SPECC1: variants seen among roughly 807,000 people sequenced by gnomAD.
SPECC1 encodes cytospin-B.
In SPECC1, 62 loss-of-function variants were observed where a neutral mutation model predicts 104.1. That is an observed-to-expected ratio of 0.60 (90% CI 0.49 to 0.74). SPECC1 has a LOEUF of 0.74. SPECC1 is among the 30% of genes least tolerant of loss of function. The pLI is 0.00. For missense variants in SPECC1, 1,306 were observed against 1,310.5 expected (o/e 1.00, Z 0.05); for synonymous variants, 513 against 501.6 (o/e 1.02, Z -0.30).
At chr17:20,144,182 T>C (rs866325128) in intron 3 of SPECC1, among the ~76,000 whole-genome samples, 33,759 of 124,620 alleles carry the variant, frequency 0.27, 5,684 homozygotes, top group Middle Eastern at 0.39. Flanking sequence ...TTTCTTTTTT[T>C]TTTTTTTTTT....
intron 3 of SPECC1, among the ~76,000 whole-genome samples, chr17:20,195,580 C>T (rs1298887799): frequency 1.4e-5 from 2 of 146,704 alleles, no homozygotes; most frequent in South Asian, 2.1e-4. Flanking sequence ...TTTTTTGAGA[C>T]GGAGTCTTGC....
rs1301702396 is a variant in SPECC1, at chr17:20,316,351, T to TG, written c.*2288dup. On this transcript the variant is annotated 3_prime_UTR_variant, in exon 15 of 15. Coordinates refer to ENST00000395527, the MANE Select transcript of SPECC1 (RefSeq NM_001243439.2). ...AGTGGGAGTGGGTGTTTTCTGTGAT[T>TG]GGTTCTGTTTTTTATTTTTACTTAT... 4.4e-6 allele frequency: 1 copy of TG among 226,554 alleles called. No homozygotes were observed. 14.0% of individuals were successfully genotyped at this position (226,554 alleles called of 1,614,324 possible).
At chr17:20,105,446 C>T (rs1217713431) in intron 2 of SPECC1, among the ~76,000 whole-genome samples, 1 of 152,136 alleles carries the variant, frequency 6.6e-6, no homozygotes, top group Admixed American at 6.5e-5. Flanking sequence ...TTCACCACTC[C>T]CTGGGCTGCC....
At chr17:20,077,934 A>G (rs2046825123) in intron 1 of SPECC1, among the ~76,000 whole-genome samples, 1 of 151,992 alleles carries the variant, frequency 6.6e-6, no homozygotes. Context: ...AATAGTTTCT[A>G]TTCCATAGGG....
intron 3 of SPECC1, among the ~76,000 whole-genome samples, chr17:20,135,238 T>G (rs530256295): frequency 6.6e-6 from 1 of 152,314 alleles, no homozygotes; most frequent in Admixed American, 6.5e-5. Context: ...CCTAAGCAAA[T>G]TACAGTACAG....
rs1157928145 is a variant in SPECC1, at chr17:20,315,332, C to T, written c.*1267C>T. 2 of 232,776 alleles carry T rather than the reference C, an allele frequency of 8.6e-6. No homozygotes were observed. 14.4% of individuals were successfully genotyped at this position (232,776 alleles called of 1,614,324 possible). ...AGTTGCCCCAGCATCCTACTGGTCA[C>T]CTTAAGTGGCAGCAGAGCCCTCCCC... On this transcript the variant is annotated 3_prime_UTR_variant, in exon 15 of 15. Coordinates refer to ENST00000395527, the MANE Select transcript of SPECC1 (RefSeq NM_001243439.2).
chr17:20,232,090 A>C, intron 6 of SPECC1, 110 bp from the exon 7 acceptor site: 2 of 1,299,494 alleles, frequency 1.5e-6, no homozygotes, highest in Non-Finnish European at 2.2e-6. Context: ...GGCCTCACCA[A>C]GCACTGATGG....
intron 13 of SPECC1, among the ~76,000 whole-genome samples, chr17:20,302,687 G>A (rs1291544881): frequency 6.9e-6 from 1 of 144,432 alleles, no homozygotes; most frequent in Non-Finnish European, 1.5e-5. Context: ...CAGGCATGTT[G>A]CCACCACGTC....
At chr17:20,235,746 G>A (rs568897319) in intron 7 of SPECC1, among the ~76,000 whole-genome samples, 7 of 152,306 alleles carry the variant, frequency 4.6e-5, no homozygotes, top group South Asian at 2.1e-4. Context: ...CATGGAAAAC[G>A]TCTTTAAAAG....
In SPECC1 at chr17:20,137,556, A is replaced by T. The variant is rs535534335; in HGVS notation, c.283+26994A>T. Among the ~76,000 whole-genome samples the T allele has an allele frequency of 4.6e-5, 7 of 152,338 alleles. No homozygotes were observed. In the South Asian group the frequency reaches 1.4e-3, roughly 32 times the overall value. On this transcript the variant is annotated intron_variant, in intron 3 of 14. Coordinates refer to ENST00000395527, the MANE Select transcript of SPECC1 (RefSeq NM_001243439.2). ...ATTATGGCAAAACAAAAACAAACTT[A>T]AAAAAATCCACCTGCCTTAGACTCT...
Position 20,314,550 on chromosome 17 carries a change from G to A in SPECC1, c.*485G>A. ...AGCACTTTAGGAAGCCAAGGCAGTAGGATCGTTTGAGCCCAGGAGTTCGAG... is the reference window on the plus strand; with the variant it reads ...AGCACTTTAGGAAGCCAAGGCAGTAAGATCGTTTGAGCCCAGGAGTTCGAG... On this transcript the variant is annotated 3_prime_UTR_variant, in exon 15 of 15. Transcript: ENST00000395527. The A allele has an allele frequency of 3.6e-6, 1 of 277,910 alleles. No individual in the cohort carries two copies. Among genetic ancestry groups the A allele is most frequent in the Admixed American group, 4.6e-5 (1 of 21,824 alleles). The allele number at this position is 277,910 out of a possible 1,614,324, so 17.2% of individuals were successfully genotyped here.
intron 3 of SPECC1, among the ~76,000 whole-genome samples, chr17:20,186,456 A>G (rs2035283797): frequency 6.6e-6 from 1 of 152,232 alleles, no homozygotes; most frequent in Non-Finnish European, 1.5e-5. Flanking sequence ...AATTTGTAAG[A>G]AATGTATTAT....
At chr17:20,072,491 G>A (rs912685683) in intron 1 of SPECC1, among the ~76,000 whole-genome samples, 4 of 152,220 alleles carry the variant, frequency 2.6e-5, no homozygotes, top group Non-Finnish European at 5.9e-5. Context: ...CTCAGTAAGA[G>A]CAGGTTCAGT....
At position 20,205,292 on chromosome 17, in the gene SPECC1, C is replaced by G; in HGVS notation, c.1243C>G (p.Leu415Val). ...GGAATTGACAGCTGAAAATGAGAAG[C>G]TGGTGGATGAAAAGACGATTTTAGA... is the stretch of plus-strand genomic sequence containing the variant. ...VQELTAENEKLVDEKTILETS... is the reference protein window; with the variant it reads ...VQELTAENEKVVDEKTILETS... The change falls in exon 4 of 15, where the codon CTG becomes GTG. Residue 415 changes from leucine to valine, a missense_variant. Transcript: ENST00000395527. The G allele has an allele frequency of 1.9e-6, 3 of 1,614,186 alleles. No homozygotes were observed. Among genetic ancestry groups the G allele is most frequent in the Non-Finnish European group, 2.5e-6 (3 of 1,180,032 alleles).
chr17:20,289,792 A>G (rs1043303673), intron 12 of SPECC1, among the ~76,000 whole-genome samples: 3 of 151,978 alleles, frequency 2.0e-5, no homozygotes, highest in African/African-American at 7.3e-5. Flanking sequence ...GGGTTGTTCC[A>G]CTCTGAGATG....
chr17:20,275,072 A>G (rs183332982), intron 12 of SPECC1, among the ~76,000 whole-genome samples: 1 of 152,170 alleles, frequency 6.6e-6, no homozygotes, highest in African/African-American at 2.4e-5. Context: ...GGTAAGAATT[A>G]TATCAAATTC....
At chr17:20,195,918 A>G (rs1224887655) in intron 3 of SPECC1, among the ~76,000 whole-genome samples, 2 of 152,254 alleles carry the variant, frequency 1.3e-5, no homozygotes, top group Non-Finnish European at 2.9e-5. Flanking sequence ...TTTAATTTAT[A>G]GAAAAGCTGA....
chr17:20,100,142 T>C (rs991963867), intron 2 of SPECC1, among the ~76,000 whole-genome samples: 2 of 152,168 alleles, frequency 1.3e-5, no homozygotes, highest in Non-Finnish European at 2.9e-5. Flanking sequence ...CTTGGTACCA[T>C]GCGCATATTA....
At chr17:20,153,464 A>AT (rs2032195865) in intron 3 of SPECC1, among the ~76,000 whole-genome samples, 1 of 152,204 alleles carries the variant, frequency 6.6e-6, no homozygotes, top group African/African-American at 2.4e-5. Context: ...TGGAGGAGCA[A>AT]TTTAAGTAGC....
Sources: allele counts gnomAD v4.1 joint callset (sites outside exome capture counted in the v4.1 genomes callset), GRCh38; gene constraint gnomAD v4.1.1; transcripts MANE v1.5; gene names NCBI Gene and HGNC (gene_info 2026-07-23, HGNC 2026-07-21).